Variants in GRIK2 observed in about 807,000 individuals in gnomAD.
GRIK2 encodes glutamate receptor ionotropic, kainate 2.
GRIK2 carries 32 observed loss-of-function variants against 100.3 expected under a neutral mutation model. The observed-to-expected ratio is 0.32, with a 90% CI of 0.24 to 0.43. The LOEUF is 0.43. GRIK2 is among the 20% of genes least tolerant of loss of function. The probability of loss-of-function intolerance (pLI) is 1.00; values close to 1 mark genes in which losing one functional copy is unlikely to be tolerated. For missense variants in GRIK2, 843 were observed against 1,114.9 expected (o/e 0.76, Z 3.47); for synonymous variants, 417 against 389.4 (o/e 1.07, Z -0.83).
chr6:101,962,911 A>G (rs1792393679), intron 14 of GRIK2, among the ~76,000 whole-genome samples: 1 of 151,628 alleles, frequency 6.6e-6, no homozygotes, highest in African/African-American at 2.4e-5. Context: ...ATCTTTTGCT[A>G]TCTTTATTTT....
intron 11 of GRIK2, among the ~76,000 whole-genome samples, chr6:101,865,041 GCTTA>G (rs951362325): frequency 7.2e-5 from 11 of 152,208 alleles, no homozygotes; most frequent in Admixed American, 2.6e-4. Context: ...GGCAATAAAT[GCTTA>G]CTTTTTAAAT....
chr6:101,885,193 T>G (rs576579456), intron 11 of GRIK2, among the ~76,000 whole-genome samples: 1 of 152,156 alleles, frequency 6.6e-6, no homozygotes, highest in Non-Finnish European at 1.5e-5. Context: ...TGCTACATGT[T>G]AAATTACATG....
intron 7 of GRIK2, among the ~76,000 whole-genome samples, chr6:101,768,714 T>C (rs372322765): frequency 6.6e-6 from 1 of 152,204 alleles, no homozygotes; most frequent in East Asian, 1.9e-4. Flanking sequence ...ATGGTTTAGA[T>C]AGAAAAAACC....
intron 7 of GRIK2, among the ~76,000 whole-genome samples, chr6:101,739,337 T>A (rs994683343): frequency 4.6e-5 from 7 of 152,236 alleles, no homozygotes; most frequent in African/African-American, 1.4e-4. Flanking sequence ...TTTTTGTTTA[T>A]TACATTATTC....
intron 7 of GRIK2, among the ~76,000 whole-genome samples, chr6:101,785,414 A>G (rs978029809): frequency 2.0e-5 from 3 of 152,078 alleles, no homozygotes; most frequent in African/African-American, 7.2e-5. Flanking sequence ...CTAGAGTGTT[A>G]GTCTGTGTTT....
intron 2 of GRIK2, among the ~76,000 whole-genome samples, chr6:101,480,577 T>C (rs1772475155): frequency 6.6e-6 from 1 of 152,172 alleles, no homozygotes; most frequent in Non-Finnish European, 1.5e-5. Flanking sequence ...TATAGGTTGG[T>C]AAGGCAATCT....
At chr6:101,410,997 A>G (rs1426258565) in intron 2 of GRIK2, among the ~76,000 whole-genome samples, 6 of 152,064 alleles carry the variant, frequency 3.9e-5, no homozygotes, top group Non-Finnish European at 8.8e-5. Flanking sequence ...GTGTTTCTGG[A>G]AACAGCCTTC....
intron 12 of GRIK2, among the ~76,000 whole-genome samples, chr6:101,904,852 T>G (rs1788117072): frequency 1.3e-5 from 2 of 151,546 alleles, no homozygotes; most frequent in South Asian, 4.1e-4. Context: ...AAATGATCAG[T>G]ACTCAAGGTG....
At position 101,610,395 on chromosome 6, in the gene GRIK2, A is replaced by G. The variant is rs149888990; in HGVS notation, c.116-11554A>G. The stretch of plus-strand genomic sequence containing the variant: ...CTGGATTAAAACTCTAGAATGTTTA[A>G]TACTTTCATTTTAAACTCATGATAT... On this transcript the variant is annotated intron_variant, in intron 2 of 16. Transcript: ENST00000369134. Among the ~76,000 whole-genome samples the G allele has an allele frequency of 4.9e-3, 742 of 151,970 alleles. 3 individuals are homozygous for G. Among genetic ancestry groups the G allele is most frequent in the African/African-American group, 0.017 (701 of 41,536 alleles).
At chr6:101,551,737 A>G (rs1776518948) in intron 2 of GRIK2, among the ~76,000 whole-genome samples, 1 of 152,096 alleles carries the variant, frequency 6.6e-6, no homozygotes, top group East Asian at 1.9e-4. Flanking sequence ...CTTCCTCCCG[A>G]GCATTATCTT....
intron 10 of GRIK2, among the ~76,000 whole-genome samples, chr6:101,831,866 A>G (rs1157761451): frequency 6.6e-6 from 1 of 152,136 alleles, no homozygotes; most frequent in Admixed American, 6.6e-5. Context: ...CAGTTTTGCT[A>G]TGTACATTTA....
At chr6:101,832,222 TTTTG>T (rs1422671904) in intron 10 of GRIK2, among the ~76,000 whole-genome samples, 3 of 152,232 alleles carry the variant, frequency 2.0e-5, no homozygotes, top group Middle Eastern at 3.5e-3. Flanking sequence ...CTTAAATATA[TTTTG>T]TTTTCTAATC....
At position 101,670,087 on chromosome 6, in the gene GRIK2, AT is replaced by A. The variant is rs943120313; in HGVS notation, c.542-6528del. Among the ~76,000 whole-genome samples the A allele has an allele frequency of 9.2e-5, 14 of 151,974 alleles. No individual in the cohort carries two copies. The East Asian group carries it at 9.7e-4, about 11-fold the overall frequency. ...TTCTGTCTGATTGAAATAGTAAGCC[AT>A]TTTTTTTAAAACATTGAATGTGAAA... is the stretch of plus-strand genomic sequence containing the variant. On this transcript the variant is annotated intron_variant, in intron 4 of 16. Coordinates refer to ENST00000369134, the MANE Select transcript of GRIK2 (RefSeq NM_021956.5).
chr6:101,579,619 A>G (rs1235107), intron 2 of GRIK2, among the ~76,000 whole-genome samples: 29,770 of 151,876 alleles, frequency 0.2, 5,237 homozygotes, highest in African/African-American at 0.47. Context: ...TTGGGAGGCC[A>G]AGGCGGGTGG....
intron 7 of GRIK2, among the ~76,000 whole-genome samples, chr6:101,786,526 G>GT (rs1779432342): frequency 6.6e-6 from 1 of 152,006 alleles, no homozygotes; most frequent in Admixed American, 6.6e-5. Context: ...TTTATCAAAT[G>GT]TTTTTCTGTG....
intron 13 of GRIK2, among the ~76,000 whole-genome samples, chr6:101,927,529 A>G (rs903273220): frequency 3.3e-5 from 5 of 152,180 alleles, no homozygotes; most frequent in African/African-American, 9.6e-5. Flanking sequence ...TTAAGAATAT[A>G]AACAATGTGG....
chr6:101,862,389 G>A (rs1463562433), intron 11 of GRIK2, among the ~76,000 whole-genome samples: 1 of 151,948 alleles, frequency 6.6e-6, no homozygotes, highest in Admixed American at 6.6e-5. Flanking sequence ...AAATCTTTGA[G>A]GATCTTACTC....
intron 11 of GRIK2, among the ~76,000 whole-genome samples, chr6:101,871,693 C>G (rs1259354634): frequency 1.3e-5 from 2 of 152,038 alleles, no homozygotes; most frequent in East Asian, 1.9e-4. Flanking sequence ...CACTTGTTGC[C>G]ACAAAAGGCA....
At chr6:101,669,437 T>A (rs1254359754) in intron 4 of GRIK2, among the ~76,000 whole-genome samples, 2 of 152,152 alleles carry the variant, frequency 1.3e-5, no homozygotes, top group Non-Finnish European at 2.9e-5. Flanking sequence ...ATATAAACCA[T>A]CTCAATTATT....
Sources: gnomAD v4.1 joint callset for allele counts (sites outside exome capture counted in the v4.1 genomes callset) on GRCh38, gnomAD v4.1.1 for gene constraint, MANE v1.5 for transcripts, NCBI Gene and HGNC (gene_info 2026-07-23, HGNC 2026-07-21) for gene names.